PHACTR2: variants seen among roughly 807,000 people sequenced by gnomAD.
PHACTR2 encodes the protein chromosome 6 open reading frame 56.
In PHACTR2, 30 loss-of-function variants were observed where a neutral mutation model predicts 76.0. The ratio of observed to expected loss-of-function variants is 0.39; its 90% CI spans 0.30 to 0.54. The LOEUF (loss-of-function observed/expected upper bound fraction) is 0.54, where lower values mean the gene tolerates loss of function less well. Among genes scored for constraint, PHACTR2 ranks in the 20% least tolerant of loss-of-function variants. PHACTR2 has a pLI of 0.61. For synonymous variants in PHACTR2, 292 were observed against 292.5 expected, an observed-to-expected ratio of 1.00 and a Z score of 0.02; for missense variants, 696 against 781.1, an observed-to-expected ratio of 0.89 and a Z score of 1.30.
Position 143,688,519 on chromosome 6 carries a change from G to A in PHACTR2, c.46+10310G>A, listed in dbSNP as rs957625254. ...CCCAGAGGTAACATAAGTCTATACA[G>A]AAGGTTTGATTTTGTCCTCCAAGCC... On this transcript the variant is annotated intron_variant, in intron 1 of 12. Coordinates refer to ENST00000440869, the MANE Select transcript of PHACTR2 (RefSeq NM_001100164.2). This position sits in a 1 kb window ranked among gnomAD's most constrained non-coding sequence, Gnocchi z 5.2. 6.6e-6 allele frequency among the ~76,000 whole-genome samples: 1 copy of A among 152,166 alleles called. No homozygotes were observed. Among genetic ancestry groups the A allele is most frequent in the Non-Finnish European group, 1.5e-5 (1 of 68,040 alleles).
intron 1 of PHACTR2, among the ~76,000 whole-genome samples, chr6:143,702,127 C>CTTT (rs909954007): frequency 5.8e-4 from 61 of 105,724 alleles, no homozygotes; most frequent in African/African-American, 7.2e-4. Flanking sequence ...GTCTTCTTTG[C>CTTT]TTTTTTTTTT....
At chr6:143,711,656 G>A (rs1040734924) in intron 1 of PHACTR2, among the ~76,000 whole-genome samples, 13 of 152,150 alleles carry the variant, frequency 8.5e-5, no homozygotes, top group African/African-American at 3.1e-4. Flanking sequence ...GTCTCTGGAG[G>A]AACAGCCTAT....
rs764540717 is a variant in PHACTR2, at chr6:143,749,115, GT to G, written c.295+55del. Reference sequence around the variant, plus strand: ...AAATATTTTGGTCCTTCATTCTTTGGTTTTTCTTTTGTTTTCTTTTGAAATT... The same window carrying G: ...AAATATTTTGGTCCTTCATTCTTTGGTTTTCTTTTGTTTTCTTTTGAAATT... On this transcript the variant is annotated intron_variant, in intron 3 of 12. Coordinates refer to ENST00000440869, the MANE Select transcript of PHACTR2 (RefSeq NM_001100164.2). 4.0e-5 allele frequency: 39 copies of G among 967,156 alleles called. No individual in the cohort carries two copies. In the African/African-American group the frequency reaches 5.0e-4, roughly 12 times the overall value. The allele number at this position is 967,156 out of a possible 1,614,324, so 59.9% of individuals were successfully genotyped here.
intron 1 of PHACTR2, among the ~76,000 whole-genome samples, chr6:143,632,368 CAATTTATTAAAATAGGCTAG>C (rs1325149514): frequency 1.3e-5 from 2 of 152,108 alleles, no homozygotes. Flanking sequence ...CCCCCGCCAC[CAATTTATTAAAATAGGCTAG>C]AATTTGCAAA....
At position 143,754,805 on chromosome 6, in the gene PHACTR2, G is replaced by A. The variant is rs1779264821; in HGVS notation, c.454+893G>A. Among the ~76,000 whole-genome samples, 1 of 152,150 alleles carries A rather than the reference G, an allele frequency of 6.6e-6. No individual in the cohort carries two copies. The highest frequency in any genetic ancestry group is 1.5e-5 in the Non-Finnish European group (1 of 68,028). On this transcript the variant is annotated intron_variant, in intron 4 of 12. Transcript: ENST00000440869. The surrounding 1 kb of genome is among the most constrained non-coding windows in gnomAD (Gnocchi z 6.2). ...AATATACTATTTCCTATTTTATAAT[G>A]TCTGTCTCTAAGTTGAATGGTAAAA...
chr6:143,655,371 A>G (rs992625274), intron 1 of PHACTR2, among the ~76,000 whole-genome samples: 15 of 152,108 alleles, frequency 9.9e-5, no homozygotes, highest in Non-Finnish European at 1.9e-4. Flanking sequence ...TGGGTTGATG[A>G]CAATACCATA....
At chr6:143,674,573 T>A (rs1777209083), upstream of PHACTR2, among the ~76,000 whole-genome samples, 1 of 152,184 alleles carries the variant, frequency 6.6e-6, no homozygotes, top group South Asian at 2.1e-4. The surrounding 1 kb of genome is among the most constrained non-coding windows in gnomAD (Gnocchi z 4.9). Flanking sequence ...CCCAGGTCAC[T>A]GCTGTTCTGA....
upstream of PHACTR2, chr6:143,608,065 G>A: frequency 1.8e-6 from 1 of 557,450 alleles, no homozygotes; most frequent in African/African-American, 1.9e-5. This position sits in a 1 kb window ranked among gnomAD's most constrained non-coding sequence, Gnocchi z 4.6. Flanking sequence ...GGAAACCCCA[G>A]GGGATTCAAG....
rs1377342980 is a variant in PHACTR2 at position 143,689,913 on chromosome 6, G to A, written c.46+11704G>A. On this transcript the variant is annotated intron_variant, in intron 1 of 12. Coordinates refer to ENST00000440869, the MANE Select transcript of PHACTR2 (RefSeq NM_001100164.2). The surrounding 1 kb of genome is among the most constrained non-coding windows in gnomAD (Gnocchi z 4.4). ...TCGCCAGGCTGGTCTTGGCAATCTG[G>A]TCTTGAACTTCTGAACTCAGGTGAT... Among the ~76,000 whole-genome samples, 1 of 152,102 alleles carries A rather than the reference G, an allele frequency of 6.6e-6. No homozygotes were observed. Among genetic ancestry groups the A allele is most frequent in the East Asian group, 1.9e-4 (1 of 5,190 alleles).
At chr6:143,703,771 T>C (rs1777971921) in intron 1 of PHACTR2, among the ~76,000 whole-genome samples, 1 of 152,168 alleles carries the variant, frequency 6.6e-6, no homozygotes, top group African/African-American at 2.4e-5. Flanking sequence ...CCAAGATCTT[T>C]TCTAACTCTA....
intron 1 of PHACTR2, among the ~76,000 whole-genome samples, chr6:143,575,371 T>C (rs989405625): frequency 1.3e-5 from 2 of 152,254 alleles, no homozygotes; most frequent in Non-Finnish European, 2.9e-5. Context: ...TGTCTTAATT[T>C]TCTAGCACAC....
rs1328863283 is a variant in PHACTR2, at chr6:143,764,002, C to A, written c.695-1259C>A. 6.6e-6 allele frequency among the ~76,000 whole-genome samples: 1 copy of A among 152,170 alleles called. No individual in the cohort carries two copies. The highest frequency in any genetic ancestry group is 1.5e-5 in the Non-Finnish European group (1 of 68,030). Reference sequence around the variant, plus strand: ...GTATTCTCATAGGAGTTTATTTTATCATCATATATTTACTAAGATGACATA... The same window carrying A: ...GTATTCTCATAGGAGTTTATTTTATAATCATATATTTACTAAGATGACATA... On this transcript the variant is annotated intron_variant, in intron 5 of 12. Coordinates refer to ENST00000440869, the MANE Select transcript of PHACTR2 (RefSeq NM_001100164.2). This position sits in a 1 kb window ranked among gnomAD's most constrained non-coding sequence, Gnocchi z 4.7.
chr6:143,604,848 C>T (rs893297014), upstream of PHACTR2, among the ~76,000 whole-genome samples: 3 of 150,048 alleles, frequency 2.0e-5, no homozygotes, highest in East Asian at 2.0e-4. Context: ...ACCAAGATTG[C>T]GCCATTGCAC....
rs146914412 is a variant in PHACTR2 at position 143,550,715 on chromosome 6, T to TA, written c.217+13515dup. Among the ~76,000 whole-genome samples, 3,220 of 151,780 alleles carry TA rather than the reference T, an allele frequency of 0.021. 125 individuals carry two copies. Among genetic ancestry groups the TA allele is most frequent in the African/African-American group, 0.074 (3,048 of 41,380 alleles). ...TACAATTAAGAGGCGGGAATAGATT[T>TA]AAAAAAACAAACAACAACAAAAACA... On this transcript the variant is annotated intron_variant, in intron 1 of 11. Transcript: ENST00000367584. This position sits in a 1 kb window ranked among gnomAD's most constrained non-coding sequence, Gnocchi z 4.8.
rs1188801896 is a variant in PHACTR2 at position 143,557,555 on chromosome 6, C to A, written c.217+20348C>A. ...CCTTCCTGCTAAGATGGCTCACCCT[C>A]ACCACACAGGGTCTCGATTTTTCGA... On this transcript the variant is annotated intron_variant, in intron 1 of 11. Coordinates refer to the PHACTR2 transcript ENST00000367584. This position sits in a 1 kb window ranked among gnomAD's most constrained non-coding sequence, Gnocchi z 5.5. 1 of 152,208 alleles carries A rather than the reference C, an allele frequency of 6.6e-6. No individual in the cohort carries two copies. Among genetic ancestry groups the A allele is most frequent in the Non-Finnish European group, 1.5e-5 (1 of 68,064 alleles). The allele number at this position is 152,208 out of a possible 1,614,324, so 9.4% of individuals were successfully genotyped here.
intron 12 of PHACTR2, among the ~76,000 whole-genome samples, chr6:143,812,659 C>A (rs747281497): frequency 1.3e-5 from 2 of 152,214 alleles, no homozygotes; most frequent in Non-Finnish European, 2.9e-5. Context: ...GAAGTCATCC[C>A]GTGGCCCTAT....
At chr6:143,620,572 A>G (rs1332740078) in intron 1 of PHACTR2, among the ~76,000 whole-genome samples, 2 of 152,112 alleles carry the variant, frequency 1.3e-5, no homozygotes, top group East Asian at 1.9e-4. Flanking sequence ...TTCTGCTTTT[A>G]TAGATATGAA....
chr6:143,554,063 G>A lies in PHACTR2; in HGVS notation c.217+16856G>A, dbSNP rs1042275984. Among the ~76,000 whole-genome samples the A allele has an allele frequency of 2.6e-5, 4 of 152,258 alleles. No individual in the cohort carries two copies. The highest frequency in any genetic ancestry group is 9.6e-5 in the African/African-American group (4 of 41,552). ...AGACTGGGGATCCAGTGGCGGGGGC[G>A]CTGGGCAGAGGGGCATCATGTTTTT... On this transcript the variant is annotated intron_variant, in intron 1 of 11. Transcript: ENST00000367584. The surrounding 1 kb of genome is among the most constrained non-coding windows in gnomAD (Gnocchi z 5.9).
intron 6 of PHACTR2, among the ~76,000 whole-genome samples, chr6:143,768,783 AG>A (rs1775021086): frequency 6.6e-6 from 1 of 152,210 alleles, no homozygotes; most frequent in Non-Finnish European, 1.5e-5. Context: ...TATTTATAAT[AG>A]ATATTCCTGT....
Sources: allele counts gnomAD v4.1 joint callset (sites outside exome capture counted in the v4.1 genomes callset), GRCh38; gene constraint gnomAD v4.1.1; non-coding constraint Gnocchi (gnomAD v3.1); transcripts MANE v1.5; gene names NCBI Gene and HGNC (gene_info 2026-07-23, HGNC 2026-07-21).